Variants in PTPRD observed in about 807,000 individuals in gnomAD.
The protein encoded by PTPRD is protein tyrosine phosphatase receptor type D, also known as receptor-type tyrosine-protein phosphatase delta.
In PTPRD, 34 loss-of-function variants were observed where a neutral mutation model predicts 214.5. The observed-to-expected ratio is 0.16, with a 90% CI of 0.12 to 0.21. The LOEUF (loss-of-function observed/expected upper bound fraction) is 0.21, where lower values mean the gene tolerates loss of function less well. Ranked by LOEUF, PTPRD falls within the 10% of genes least tolerant of loss-of-function variation. The probability of loss-of-function intolerance (pLI) is 1.00; values close to 1 mark genes in which losing one functional copy is unlikely to be tolerated. For synonymous variants in PTPRD, 1,128 were observed against 845.7 expected, an observed-to-expected ratio of 1.33 and a Z score of -5.79; for missense variants, 2,545 against 2,398.7, an observed-to-expected ratio of 1.06 and a Z score of -1.27.
intron 8 of PTPRD, among the ~76,000 whole-genome samples, chr9:9,402,103 AG>A (rs1258015453): frequency 1.3e-5 from 2 of 152,138 alleles, no homozygotes; most frequent in African/African-American, 4.8e-5. Context: ...TTTGCCAAAA[AG>A]TTGTGTCAGA....
chr9:9,651,996 G>C (rs1464574618), intron 7 of PTPRD, among the ~76,000 whole-genome samples: 1 of 151,242 alleles, frequency 6.6e-6, no homozygotes, highest in Non-Finnish European at 1.5e-5. Context: ...CACCAGGCCT[G>C]GCTAATTTTT....
At chr9:9,445,327 A>G (rs376992427) in intron 8 of PTPRD, among the ~76,000 whole-genome samples, 1 of 152,160 alleles carries the variant, frequency 6.6e-6, no homozygotes. Flanking sequence ...CATGCCATTG[A>G]TGGATCTGTT....
chr9:9,747,578 C>T (rs1010062658), intron 6 of PTPRD, among the ~76,000 whole-genome samples: 7 of 139,072 alleles, frequency 5.0e-5, no homozygotes, highest in African/African-American at 1.6e-4. Flanking sequence ...TGGAGTTTCA[C>T]TCTTTTCGCC....
rs142838201 is a variant in PTPRD, at chr9:10,114,853, C to T, written c.-544-81063G>A. The stretch of plus-strand genomic sequence containing the variant: ...TGTTATAGTCCCAACTTTTAGATCT[C>T]AAGTTCTACTTTAGAATATCAATAG... On this transcript the variant is annotated intron_variant, in intron 3 of 45. Transcript: ENST00000381196. Among the ~76,000 whole-genome samples, 14 of 152,008 alleles carry T rather than the reference C, an allele frequency of 9.2e-5. No individual in the cohort carries two copies. In the East Asian group the frequency reaches 2.7e-3, roughly 29 times the overall value.
intron 5 of PTPRD, among the ~76,000 whole-genome samples, chr9:9,921,410 T>A (rs1029049873): frequency 9.9e-5 from 15 of 152,034 alleles, no homozygotes; most frequent in African/African-American, 3.1e-4. Context: ...CTCACATGAA[T>A]AGCAGTATCT....
chr9:10,241,894 G>C (rs1273728438), intron 3 of PTPRD, among the ~76,000 whole-genome samples: 3 of 151,900 alleles, frequency 2.0e-5, no homozygotes, highest in Non-Finnish European at 4.4e-5. Context: ...AAGGTAAGTT[G>C]TTAAGAAGTC....
chr9:10,074,640 T>A (rs531877349), intron 3 of PTPRD, among the ~76,000 whole-genome samples: 1 of 152,276 alleles, frequency 6.6e-6, no homozygotes, highest in East Asian at 1.9e-4. Context: ...GCAGTTAATG[T>A]CACCAGTTTT....
chr9:9,759,427 G>A (rs750247904), intron 6 of PTPRD, among the ~76,000 whole-genome samples: 1 of 152,098 alleles, frequency 6.6e-6, no homozygotes, highest in African/African-American at 2.4e-5. Context: ...CCCAGTCCCT[G>A]CTCTACTGAG....
chr9:9,019,745 AT>A (rs2099555952), intron 10 of PTPRD, among the ~76,000 whole-genome samples: 1 of 152,092 alleles, frequency 6.6e-6, no homozygotes, highest in South Asian at 2.1e-4. Context: ...TATTAATATA[AT>A]TTTTTATCAA....
At chr9:9,586,485 T>C (rs529064264) in intron 7 of PTPRD, among the ~76,000 whole-genome samples, 35 of 152,158 alleles carry the variant, frequency 2.3e-4, no homozygotes, top group Admixed American at 7.9e-4. Context: ...TTGAACATTA[T>C]TGCTTCTTCT....
chr9:9,169,118 CATCTT>C (rs1414056323), intron 10 of PTPRD, among the ~76,000 whole-genome samples: 9 of 152,010 alleles, frequency 5.9e-5, no homozygotes, highest in African/African-American at 2.2e-4. Flanking sequence ...TGAACCTTCT[CATCTT>C]ATCTAATACA....
At chr9:9,855,528 T>C (rs1440820587) in intron 5 of PTPRD, among the ~76,000 whole-genome samples, 1 of 152,186 alleles carries the variant, frequency 6.6e-6, no homozygotes, top group African/African-American at 2.4e-5. Flanking sequence ...ATTTTCCTGA[T>C]CCTTTTCGTG....
At chr9:9,421,944 AAAC>A (rs2078966861) in intron 8 of PTPRD, among the ~76,000 whole-genome samples, 1 of 152,102 alleles carries the variant, frequency 6.6e-6, no homozygotes, top group Admixed American at 6.6e-5. Flanking sequence ...ACAAACAAAC[AAAC>A]AACAATAACA....
intron 5 of PTPRD, among the ~76,000 whole-genome samples, chr9:9,897,395 G>A (rs1329612398): frequency 6.6e-6 from 1 of 151,626 alleles, no homozygotes; most frequent in African/African-American, 2.4e-5. Context: ...ATATTTATTA[G>A]GATTTTTGTA....
At chr9:8,674,225 C>T (rs184532375) in intron 12 of PTPRD, among the ~76,000 whole-genome samples, 87 of 152,088 alleles carry the variant, frequency 5.7e-4, no homozygotes, top group African/African-American at 2.0e-3. Flanking sequence ...TTTGCGAGGC[C>T]GAGGCAGGCA....
rs535048892 is a variant in PTPRD at position 9,691,406 on chromosome 9, C to A, written c.-287+43127G>T. The stretch of plus-strand genomic sequence containing the variant: ...GCAATGTTTGTTTTTCTGTGCCTGG[C>A]TTATTTCACTTAACATGATGACCTC... On this transcript the variant is annotated intron_variant, in intron 7 of 45. Coordinates refer to ENST00000381196, the MANE Select transcript of PTPRD (RefSeq NM_002839.4). 7.9e-5 allele frequency among the ~76,000 whole-genome samples: 12 copies of A among 152,060 alleles called. No homozygotes were observed. In the South Asian group the frequency reaches 2.3e-3, roughly 29 times the overall value.
At chr9:9,487,869 C>G (rs1472475898) in intron 8 of PTPRD, among the ~76,000 whole-genome samples, 1 of 152,060 alleles carries the variant, frequency 6.6e-6, no homozygotes, top group East Asian at 1.9e-4. Context: ...GTATTTGATA[C>G]ACAGAATCTG....
intron 14 of PTPRD, among the ~76,000 whole-genome samples, chr9:8,599,130 AG>A (rs1371685509): frequency 1.3e-5 from 2 of 152,076 alleles, no homozygotes; most frequent in Non-Finnish European, 2.9e-5. Flanking sequence ...GGTTTTATGA[AG>A]GGGAGTTCTC....
intron 5 of PTPRD, among the ~76,000 whole-genome samples, chr9:9,902,412 G>C (rs2076619412): frequency 1.3e-5 from 2 of 151,764 alleles, no homozygotes; most frequent in African/African-American, 2.4e-5. Flanking sequence ...TTCTTTTTCT[G>C]CCGGTGCTCT....
Sources: gnomAD v4.1 joint callset for allele counts (sites outside exome capture counted in the v4.1 genomes callset) on GRCh38, gnomAD v4.1.1 for gene constraint, MANE v1.5 for transcripts, NCBI Gene and HGNC (gene_info 2026-07-23, HGNC 2026-07-21) for gene names.